The following RBFOX2 variants were observed in gnomAD, a reference collection of about 807,000 sequenced individuals.
RBFOX2 encodes the protein RNA binding protein fox-1 homolog 2.
RBFOX2 carries 10 observed loss-of-function variants against 49.1 expected under a neutral mutation model. That is an observed-to-expected ratio of 0.20 (90% CI 0.13 to 0.35). RBFOX2 has a LOEUF of 0.35. RBFOX2 is among the 10% of genes least tolerant of loss of function. RBFOX2 has a pLI of 1.00. For missense variants in RBFOX2, 323 were observed against 486.9 expected (o/e 0.66, Z 3.17); for synonymous variants, 183 against 187.4 (o/e 0.98, Z 0.19).
intron 5 of RBFOX2, among the ~76,000 whole-genome samples, chr22:35,765,981 T>G (rs1351184727): frequency 6.6e-6 from 1 of 152,144 alleles, no homozygotes; most frequent in East Asian, 1.9e-4. Context: ...TAAACAAATA[T>G]AGAAACCTAA....
At chr22:35,876,439 CAA>C (rs2045097743) in intron 1 of RBFOX2, among the ~76,000 whole-genome samples, 1 of 151,610 alleles carries the variant, frequency 6.6e-6, no homozygotes, top group Non-Finnish European at 1.5e-5. Flanking sequence ...GAAAAGGGAG[CAA>C]AAAGAGTACT....
At chr22:35,808,327 G>A (rs1472870276) in intron 2 of RBFOX2, among the ~76,000 whole-genome samples, 2 of 151,974 alleles carry the variant, frequency 1.3e-5, no homozygotes, top group Non-Finnish European at 2.9e-5. Flanking sequence ...ATAAAATTAT[G>A]TGCTTATACA....
rs565138018 is a variant in RBFOX2, at chr22:35,957,424, A to AAATT, written c.42+4138_42+4139insAATT. On this transcript the variant is annotated intron_variant, in intron 1 of 5. Coordinates refer to the RBFOX2 transcript ENST00000408983. ...CATAGGGATCATCTAATTCTAATTC[A>AAATT]GCTACTTTACTTGCACCCTCCTTAC... 2.1e-4 allele frequency among the ~76,000 whole-genome samples: 32 copies of AAATT among 152,286 alleles called. No homozygotes were observed. In the East Asian group the frequency reaches 6.0e-3, roughly 28 times the overall value.
intron 1 of RBFOX2, among the ~76,000 whole-genome samples, chr22:35,858,775 G>A (rs145865607): frequency 2.0e-5 from 3 of 147,166 alleles, no homozygotes; most frequent in Admixed American, 6.9e-5. Flanking sequence ...GCAGTGAACC[G>A]AGATCGTGCC....
At chr22:35,961,567 C>T in exon 1 of RBFOX2, 1 of 1,304,172 alleles carries the variant, frequency 7.7e-7, no homozygotes, top group Non-Finnish European at 1.0e-6. Context: ...ACCAACCTCA[C>T]AGGGGTTCCT....
intron 6 of RBFOX2, 80 bp from the exon 8 acceptor site, chr22:35,761,548 G>T: frequency 6.8e-7 from 1 of 1,476,560 alleles, no homozygotes; most frequent in Non-Finnish European, 9.4e-7. Flanking sequence ...GTTGGCTTCA[G>T]CCATCTCTGG....
At chr22:35,782,617 G>C (rs1945432051) in intron 2 of RBFOX2, among the ~76,000 whole-genome samples, 2 of 152,170 alleles carry the variant, frequency 1.3e-5, no homozygotes, top group African/African-American at 4.8e-5. Context: ...CACCGTGCCT[G>C]GCCAAGAAGC....
rs1194789625 is a variant in RBFOX2, at chr22:35,797,964, G to C, written c.252+11816C>G. Among the ~76,000 whole-genome samples the C allele has an allele frequency of 2.0e-5, 3 of 152,112 alleles. No individual in the cohort carries two copies. In the East Asian group the frequency reaches 5.8e-4, roughly 29 times the overall value. On this transcript the variant is annotated intron_variant, in intron 2 of 11. Transcript: ENST00000405409. ...ATTACTCTCTTTCTAGCACTTATCT[G>C]TACTTTGTTTTTCTTTTCTTGTTTT...
intron 2 of RBFOX2, among the ~76,000 whole-genome samples, chr22:35,785,832 C>T (rs1446576698): frequency 6.6e-6 from 1 of 152,178 alleles, no homozygotes; most frequent in African/African-American, 2.4e-5. Context: ...GACTAAGTAA[C>T]ACAAATCCCA....
At chr22:35,903,949 T>TTCC (rs1044863969) in intron 1 of RBFOX2, among the ~76,000 whole-genome samples, 54 of 150,902 alleles carry the variant, frequency 3.6e-4, no homozygotes, top group African/African-American at 1.2e-3. Flanking sequence ...TACATTTTTC[T>TTCC]TTCCAAACTC....
chr22:35,936,523 T>C (rs2053094499), intron 1 of RBFOX2, among the ~76,000 whole-genome samples: 1 of 152,206 alleles, frequency 6.6e-6, no homozygotes, highest in Non-Finnish European at 1.5e-5. Context: ...AGCTATTCAA[T>C]ATTTGCCTAT....
intron 1 of RBFOX2, among the ~76,000 whole-genome samples, chr22:35,888,134 T>C (rs139810650): frequency 6.6e-6 from 1 of 152,298 alleles, no homozygotes; most frequent in African/African-American, 2.4e-5. Flanking sequence ...ATTCCTCTCC[T>C]GCATTTAAAT....
exon 12 of RBFOX2, chr22:35,744,067 C>T: frequency 1.4e-6 from 1 of 722,036 alleles, no homozygotes; most frequent in Non-Finnish European, 2.0e-6. Context: ...AGTATTCTTT[C>T]TTTTTTTGTG....
chr22:35,977,747 T>TATATATAG lies in RBFOX2; in HGVS notation c.187-38851_187-38850insCTATATAT, dbSNP rs1569517077. On this transcript the variant is annotated intron_variant, in intron 1 of 13. Coordinates refer to the RBFOX2 transcript ENST00000438146. Reference sequence around the variant, plus strand: ...CTATATATATATATATATATATATATATATATATATATATACATGCACACA... The same window carrying TATATATAG: ...CTATATATATATATATATATATATATATATATAGATATATATATATATACATGCACACA... Among the ~76,000 whole-genome samples the TATATATAG allele has an allele frequency of 1.3e-3, 180 of 138,788 alleles. 1 individual carries two copies. Among genetic ancestry groups the TATATATAG allele is most frequent in the African/African-American group, 4.5e-3 (166 of 37,074 alleles). 91.1% of individuals were successfully genotyped at this position (138,788 alleles called of 152,430 possible).
upstream of RBFOX2, among the ~76,000 whole-genome samples, chr22:35,965,856 G>C (rs1045043421): frequency 6.6e-6 from 1 of 152,094 alleles, no homozygotes; most frequent in Non-Finnish European, 1.5e-5. Context: ...ATCACAGAAC[G>C]CAAGTAGAAG....
intron 9 of RBFOX2, 67 bp from the exon 11 acceptor site, chr22:35,756,211 G>A: frequency 7.0e-7 from 1 of 1,430,192 alleles, no homozygotes; most frequent in Non-Finnish European, 9.3e-7. Context: ...TCCGGTTATT[G>A]AGGACGGCAG....
chr22:35,964,112 G>A (rs529589814), upstream of RBFOX2, among the ~76,000 whole-genome samples: 98 of 152,152 alleles, frequency 6.4e-4, no homozygotes, highest in African/African-American at 2.2e-3. Flanking sequence ...AGGTGACCAT[G>A]GTTATATACT....
intron 2 of RBFOX2, among the ~76,000 whole-genome samples, chr22:35,798,884 TCAA>T: frequency 6.6e-6 from 1 of 152,176 alleles, no homozygotes; most frequent in East Asian, 1.9e-4. Context: ...TCTAATTACA[TCAA>T]ACTAAGAAAA....
At chr22:36,028,214 C>A in intron 1 of RBFOX2, 26 bp downstream of exon 1, 2 of 1,471,806 alleles carry the variant, frequency 1.4e-6, no homozygotes, top group Non-Finnish European at 8.9e-7. Flanking sequence ...CCCGCAATAA[C>A]TGGGCGCCCC....
Sources: gnomAD v4.1 joint callset for allele counts (sites outside exome capture counted in the v4.1 genomes callset) on GRCh38, gnomAD v4.1.1 for gene constraint, MANE v1.5 for transcripts, NCBI Gene and HGNC (gene_info 2026-07-23, HGNC 2026-07-21) for gene names.